Variants in NEMP2 observed in about 807,000 individuals in gnomAD.
NEMP2 encodes the protein UPF0571 transmembrane protein.
In NEMP2, 53 loss-of-function variants were observed where a neutral mutation model predicts 54.2. The observed-to-expected ratio is 0.98, with a 90% CI of 0.78 to 1.23. The LOEUF is 1.23. Among genes scored for constraint, NEMP2 ranks in the 50% most tolerant of loss-of-function variants. NEMP2 has a pLI of 0.00. For missense variants in NEMP2, 455 were observed against 511.3 expected (o/e 0.89, Z 1.06); for synonymous variants, 197 against 190.3 (o/e 1.04, Z -0.29).
chr2:190,500,003 T>C (rs114807949), downstream of NEMP2: 3,647 of 1,614,020 alleles, frequency 2.3e-3, 67 homozygotes, highest in African/African-American at 0.037. This position sits in a 1 kb window ranked among gnomAD's most constrained non-coding sequence, Gnocchi z 5.3. Flanking sequence ...ATCTCCTGTT[T>C]TTTACCTCCA....
chr2:190,509,025 G>A lies in NEMP2; in HGVS notation c.*164C>T. On this transcript the variant is annotated 3_prime_UTR_variant, in exon 9 of 9. Transcript: ENST00000409150. The surrounding 1 kb of genome is among the most constrained non-coding windows in gnomAD (Gnocchi z 6.1). ...TAGCAGAAGTCACCAAGAATGCTAAGTTATCTTCAAAATGGGTTGGTTTCC... is the reference window on the plus strand; with the variant it reads ...TAGCAGAAGTCACCAAGAATGCTAAATTATCTTCAAAATGGGTTGGTTTCC... 9.2e-7 allele frequency: 1 copy of A among 1,087,824 alleles called. No homozygotes were observed. Among genetic ancestry groups the A allele is most frequent in the Non-Finnish European group, 1.3e-6 (1 of 783,910 alleles). The allele number at this position is 1,087,824 out of a possible 1,614,324, so 67.4% of individuals were successfully genotyped here. A position where few individuals can be genotyped will look rare whatever the true frequency, so the allele number is the denominator to read the frequency against.
the NEMP2 span, among the ~76,000 whole-genome samples, chr2:190,589,979 C>A: frequency 6.6e-6 from 1 of 152,186 alleles, no homozygotes; most frequent in Non-Finnish European, 1.5e-5. This position sits in a 1 kb window ranked among gnomAD's most constrained non-coding sequence, Gnocchi z 4.3. Context: ...ACTCAGGTTG[C>A]TGATTAAGCC....
chr2:190,534,492 T>C, intron 1 of NEMP2, 67 bp downstream of exon 1: 1 of 1,313,568 alleles, frequency 7.6e-7, no homozygotes, highest in Admixed American at 4.1e-5. Flanking sequence ...GAGCGCGCCC[T>C]CAGGGCAGCC....
chr2:190,557,372 C>CA, the NEMP2 span, among the ~76,000 whole-genome samples: 1 of 152,222 alleles, frequency 6.6e-6, no homozygotes, highest in Non-Finnish European at 1.5e-5. Flanking sequence ...CATAAAAACC[C>CA]TAGAAGAAAA....
chr2:190,470,648 C>G, the NEMP2 span, among the ~76,000 whole-genome samples: 1 of 152,178 alleles, frequency 6.6e-6, no homozygotes, highest in Non-Finnish European at 1.5e-5. Context: ...TATACGATTT[C>G]ATTAGCTTTA....
At chr2:190,561,206 T>C in the NEMP2 span, among the ~76,000 whole-genome samples, 1 of 152,164 alleles carries the variant, frequency 6.6e-6, no homozygotes, top group African/African-American at 2.4e-5. The surrounding 1 kb of genome is among the most constrained non-coding windows in gnomAD (Gnocchi z 5.4). Context: ...AAACAGGCCC[T>C]TCTTCTCCAA....
In NEMP2 at chr2:190,519,266, G is replaced by A. The variant is rs1235124191; in HGVS notation, c.214-83C>T. On this transcript the variant is annotated intron_variant, in intron 2 of 8. Coordinates refer to ENST00000409150, the MANE Select transcript of NEMP2 (RefSeq NM_001142645.2). The surrounding 1 kb of genome is among the most constrained non-coding windows in gnomAD (Gnocchi z 5.4). ...AGACAGGGTCTCCCTCTGTTGCCCAGAATGGAGTGCAGTGGCAGGATCTCT... is the reference window on the plus strand; with the variant it reads ...AGACAGGGTCTCCCTCTGTTGCCCAAAATGGAGTGCAGTGGCAGGATCTCT... 13 of 974,850 alleles carry A rather than the reference G, an allele frequency of 1.3e-5. No homozygotes were observed. Among genetic ancestry groups the A allele is most frequent in the Non-Finnish European group, 2.0e-5 (13 of 657,816 alleles). The allele number at this position is 974,850 out of a possible 1,614,324, so 60.4% of individuals were successfully genotyped here.
the NEMP2 span, among the ~76,000 whole-genome samples, chr2:190,476,520 A>T: frequency 6.6e-6 from 1 of 152,144 alleles, no homozygotes. Flanking sequence ...TCTCATACCA[A>T]TTAGAATGGC....
downstream of NEMP2, chr2:190,499,704 G>A: frequency 1.9e-6 from 2 of 1,025,790 alleles, no homozygotes; most frequent in South Asian, 1.5e-5. The surrounding 1 kb of genome is among the most constrained non-coding windows in gnomAD (Gnocchi z 6.0). Flanking sequence ...CATGGCTTGG[G>A]GGGCTCAGTA....
chr2:190,582,048 G>A, the NEMP2 span, among the ~76,000 whole-genome samples: 1 of 152,138 alleles, frequency 6.6e-6, no homozygotes, highest in Admixed American at 6.5e-5. This position sits in a 1 kb window ranked among gnomAD's most constrained non-coding sequence, Gnocchi z 4.6. Context: ...TAGGTTGCTG[G>A]ATGGACTGTA....
rs1006760924 is a variant in NEMP2 at position 190,527,653 on chromosome 2, C to T, written c.98-2275G>A. Among the ~76,000 whole-genome samples, 5 of 152,150 alleles carry T rather than the reference C, an allele frequency of 3.3e-5. No individual in the cohort carries two copies. The highest frequency in any genetic ancestry group is 1.3e-4 in the Admixed American group (2 of 15,284). On this transcript the variant is annotated intron_variant, in intron 1 of 8. Transcript: ENST00000409150. The surrounding 1 kb of genome is among the most constrained non-coding windows in gnomAD (Gnocchi z 4.0). ...AAGAAGGAACCTCTAGAGCAAAGGT[C>T]CCCAACCCTGGGGCCAAGGACCAAT...
the NEMP2 span, among the ~76,000 whole-genome samples, chr2:190,569,989 G>C: frequency 6.6e-6 from 1 of 152,224 alleles, no homozygotes; most frequent in African/African-American, 2.4e-5. Context: ...TGGTGAATGG[G>C]TTAGGAGTAG....
the NEMP2 span, among the ~76,000 whole-genome samples, chr2:190,557,852 G>T: frequency 1.3e-5 from 2 of 152,322 alleles, no homozygotes; most frequent in African/African-American, 4.8e-5. Flanking sequence ...TGGAGAAATA[G>T]GAACGCTTTT....
At chr2:190,561,259 CCT>C in the NEMP2 span, among the ~76,000 whole-genome samples, 29 of 152,266 alleles carry the variant, frequency 1.9e-4, no homozygotes, top group Admixed American at 1.6e-3. The surrounding 1 kb of genome is among the most constrained non-coding windows in gnomAD (Gnocchi z 5.4). Context: ...GAGAGAAACC[CCT>C]GTCTTGGACC....
the NEMP2 span, among the ~76,000 whole-genome samples, chr2:190,635,363 T>C: frequency 6.6e-6 from 1 of 152,204 alleles, no homozygotes; most frequent in Non-Finnish European, 1.5e-5. The surrounding 1 kb of genome is among the most constrained non-coding windows in gnomAD (Gnocchi z 4.1). Context: ...ACCATGGGCA[T>C]GTGCCACCAA....
chr2:190,447,937 A>C, the NEMP2 span, among the ~76,000 whole-genome samples: 31 of 152,350 alleles, frequency 2.0e-4, no homozygotes, highest in South Asian at 4.2e-3. The surrounding 1 kb of genome is among the most constrained non-coding windows in gnomAD (Gnocchi z 4.5). Context: ...CATTACTTAT[A>C]ATCAAGCTAT....
chr2:190,587,196 T>C, the NEMP2 span, among the ~76,000 whole-genome samples: 1 of 152,196 alleles, frequency 6.6e-6, no homozygotes, highest in African/African-American at 2.4e-5. The surrounding 1 kb of genome is among the most constrained non-coding windows in gnomAD (Gnocchi z 5.4). Context: ...TTTCTTCCTG[T>C]AAAAGGATGT....
In NEMP2 at chr2:190,528,015, G is replaced by A. The variant is rs1478733606; in HGVS notation, c.98-2637C>T. Among the ~76,000 whole-genome samples the A allele has an allele frequency of 6.6e-6, 1 of 152,122 alleles. No individual in the cohort carries two copies. The highest frequency in any genetic ancestry group is 1.5e-5 in the Non-Finnish European group (1 of 68,030). Reference sequence around the variant, plus strand: ...TTCTACAGGCTCTCTGTTAAATACAGGATACTAAAAATGAAAAACATGCTC... The same window carrying A: ...TTCTACAGGCTCTCTGTTAAATACAAGATACTAAAAATGAAAAACATGCTC... On this transcript the variant is annotated intron_variant, in intron 1 of 8. Coordinates refer to ENST00000409150, the MANE Select transcript of NEMP2 (RefSeq NM_001142645.2). This position sits in a 1 kb window ranked among gnomAD's most constrained non-coding sequence, Gnocchi z 4.3.
the NEMP2 span, among the ~76,000 whole-genome samples, chr2:190,476,919 C>G: frequency 1.3e-5 from 2 of 151,872 alleles, no homozygotes; most frequent in South Asian, 2.1e-4. Context: ...ATGGATGAAG[C>G]TGGAAACCAT....
Sources: gnomAD v4.1 joint callset for allele counts (sites outside exome capture counted in the v4.1 genomes callset) on GRCh38, gnomAD v4.1.1 for gene constraint, Gnocchi (gnomAD v3.1) non-coding constraint, MANE v1.5 for transcripts, NCBI Gene and HGNC (gene_info 2026-07-23, HGNC 2026-07-21) for gene names.